The following CDH12 variants were observed in gnomAD, a reference collection of about 807,000 sequenced individuals.
CDH12 encodes cadherin 12.
CDH12 carries 41 observed loss-of-function variants against 74.1 expected under a neutral mutation model. The observed-to-expected ratio is 0.55, with a 90% CI of 0.43 to 0.72. The LOEUF (loss-of-function observed/expected upper bound fraction) is 0.72. Ranked by LOEUF, CDH12 falls within the 30% of genes least tolerant of loss-of-function variation. The pLI is 0.00. For missense variants in CDH12, 945 were observed against 977.2 expected (o/e 0.97, Z 0.44); for synonymous variants, 399 against 355.0 (o/e 1.12, Z -1.39).
At chr5:22,838,107 T>G (rs1273658930) in intron 1 of CDH12, among the ~76,000 whole-genome samples, 1 of 152,178 alleles carries the variant, frequency 6.6e-6, no homozygotes, top group Non-Finnish European at 1.5e-5. Flanking sequence ...GGGCCCAGCT[T>G]GTCCTTGCTT....
intron 6 of CDH12, among the ~76,000 whole-genome samples, chr5:21,967,634 G>C (rs1411888335): frequency 7.2e-5 from 11 of 152,162 alleles, no homozygotes. Flanking sequence ...TATCAGTACA[G>C]CATGGTTTAT....
intron 1 of CDH12, among the ~76,000 whole-genome samples, chr5:22,801,232 C>A (rs978546636): frequency 6.6e-6 from 1 of 152,070 alleles, no homozygotes; most frequent in Non-Finnish European, 1.5e-5. Flanking sequence ...AGATTTTGCT[C>A]CTTCTAACAG....
At chr5:22,494,177 G>T (rs188865103) in intron 2 of CDH12, among the ~76,000 whole-genome samples, 1 of 152,178 alleles carries the variant, frequency 6.6e-6, no homozygotes, top group African/African-American at 2.4e-5. Context: ...AAAAAATGTC[G>T]AATCTGAGCC....
intron 6 of CDH12, among the ~76,000 whole-genome samples, chr5:21,861,815 C>T (rs1269703902): frequency 6.6e-6 from 1 of 151,908 alleles, no homozygotes; most frequent in Admixed American, 6.6e-5. Flanking sequence ...TATTTTCTAA[C>T]ATTCTCATCA....
intron 6 of CDH12, among the ~76,000 whole-genome samples, chr5:21,960,746 T>C (rs1227018238): frequency 6.6e-6 from 1 of 151,806 alleles, no homozygotes; most frequent in African/African-American, 2.4e-5. Context: ...TGTGTGTGTG[T>C]AGGTATGTCT....
intron 2 of CDH12, among the ~76,000 whole-genome samples, chr5:22,453,227 T>A (rs999149195): frequency 6.6e-6 from 1 of 152,100 alleles, no homozygotes; most frequent in African/African-American, 2.4e-5. Context: ...ACAATTTCAC[T>A]CCTGGGTATT....
intron 6 of CDH12, among the ~76,000 whole-genome samples, chr5:21,878,877 A>G (rs1752090295): frequency 6.6e-6 from 1 of 151,226 alleles, no homozygotes; most frequent in South Asian, 2.1e-4. Context: ...AAGAGAGAGA[A>G]AGAAAGAAAA....
At chr5:22,447,818 CA>C (rs1363228724) in intron 2 of CDH12, among the ~76,000 whole-genome samples, 1 of 151,560 alleles carries the variant, frequency 6.6e-6, no homozygotes, top group Admixed American at 6.6e-5. Context: ...GTGCAGTTTA[CA>C]ATGTAAGTAA....
chr5:22,833,381 C>T (rs1306096534), intron 1 of CDH12, among the ~76,000 whole-genome samples: 1 of 152,144 alleles, frequency 6.6e-6, no homozygotes, highest in East Asian at 1.9e-4. Flanking sequence ...TTACAGCCAC[C>T]TGTTTTGTGA....
chr5:22,029,847 A>G (rs1450134050), intron 5 of CDH12, among the ~76,000 whole-genome samples: 1 of 151,928 alleles, frequency 6.6e-6, no homozygotes, highest in East Asian at 1.9e-4. Flanking sequence ...ACAATAGCAA[A>G]GACTTGGAAC....
At chr5:21,830,482 G>A (rs936860069) in intron 8 of CDH12, among the ~76,000 whole-genome samples, 4 of 152,174 alleles carry the variant, frequency 2.6e-5, no homozygotes, top group Admixed American at 2.6e-4. Context: ...AAGCCAAACA[G>A]AGCCACTTTT....
chr5:22,101,463 C>A (rs1369078155), intron 4 of CDH12, among the ~76,000 whole-genome samples: 1 of 152,094 alleles, frequency 6.6e-6, no homozygotes, highest in African/African-American at 2.4e-5. Context: ...TGGGTCTCAG[C>A]AGACAACTTA....
intron 11 of CDH12, among the ~76,000 whole-genome samples, chr5:21,777,573 A>G (rs2149891330): frequency 6.6e-6 from 1 of 150,634 alleles, no homozygotes; most frequent in East Asian, 2.0e-4. Context: ...CCCAGGCTGG[A>G]GTGCAGTGGC....
At chr5:22,701,270 G>T (rs1490907326) in intron 1 of CDH12, among the ~76,000 whole-genome samples, 1 of 151,906 alleles carries the variant, frequency 6.6e-6, no homozygotes, top group East Asian at 1.9e-4. Flanking sequence ...TCAGCAAATT[G>T]CACCCTCATT....
intron 10 of CDH12, among the ~76,000 whole-genome samples, chr5:21,784,886 C>A (rs1423657581): frequency 6.6e-6 from 1 of 152,164 alleles, no homozygotes; most frequent in African/African-American, 2.4e-5. Flanking sequence ...CCACACTAGT[C>A]TGTATCTGTT....
At chr5:22,403,987 C>G (rs1323491630) in intron 3 of CDH12, among the ~76,000 whole-genome samples, 1 of 151,720 alleles carries the variant, frequency 6.6e-6, no homozygotes, top group Non-Finnish European at 1.5e-5. Flanking sequence ...AGTAATAATA[C>G]CTTCTTGATG....
At chr5:22,494,088 A>G (rs1747001838) in intron 2 of CDH12, among the ~76,000 whole-genome samples, 2 of 152,212 alleles carry the variant, frequency 1.3e-5, no homozygotes, top group Non-Finnish European at 2.9e-5. Context: ...TGTACTGTAT[A>G]TGGTCGAGCA....
intron 3 of CDH12, among the ~76,000 whole-genome samples, chr5:22,280,680 T>C (rs1736839306): frequency 6.6e-6 from 1 of 152,044 alleles, no homozygotes; most frequent in Non-Finnish European, 1.5e-5. Flanking sequence ...CAGGAAGAAG[T>C]TGAATCTCTG....
At chr5:21,922,844 A>G (rs1419717909) in intron 6 of CDH12, among the ~76,000 whole-genome samples, 2 of 152,078 alleles carry the variant, frequency 1.3e-5, no homozygotes, top group Non-Finnish European at 2.9e-5. Context: ...GTTGATAATT[A>G]TCTCTCCAAT....
Sources: gnomAD v4.1 joint callset for allele counts (sites outside exome capture counted in the v4.1 genomes callset) on GRCh38, gnomAD v4.1.1 for gene constraint, MANE v1.5 for transcripts, NCBI Gene and HGNC (gene_info 2026-07-23, HGNC 2026-07-21) for gene names.